Variants in MTAP observed in about 807,000 individuals in gnomAD.
The protein encoded by MTAP is S-methyl-5'-thioadenosine phosphorylase.
In MTAP, 33 loss-of-function variants were observed where a neutral mutation model predicts 33.6. That is an observed-to-expected ratio of 0.98 (90% CI 0.74 to 1.31). MTAP has a LOEUF of 1.31. MTAP is among the 40% of genes most tolerant of loss of function. The pLI, the probability that MTAP is intolerant of heterozygous loss-of-function variation, is 0.00. For synonymous variants in MTAP, 148 were observed against 125.7 expected (o/e 1.18, Z -1.19); for missense variants, 367 against 360.0 (o/e 1.02, Z -0.16).
chr9:21,867,256 T>C (rs946833992), downstream of MTAP, among the ~76,000 whole-genome samples: 2 of 152,202 alleles, frequency 1.3e-5, no homozygotes, highest in Non-Finnish European at 2.9e-5. Context: ...TCTTGTCTTA[T>C]TCTCAACAGC....
At chr9:21,910,047 G>T (rs1818545147) in intron 1 of MTAP, among the ~76,000 whole-genome samples, 1 of 152,046 alleles carries the variant, frequency 6.6e-6, no homozygotes, top group African/African-American at 2.4e-5. Flanking sequence ...TCAGAAAAGG[G>T]ACAAAATGTC....
chr9:21,919,207 C>T (rs1462370421), intron 1 of MTAP, among the ~76,000 whole-genome samples: 1 of 152,106 alleles, frequency 6.6e-6, no homozygotes, highest in African/African-American at 2.4e-5. Flanking sequence ...AAATTTTTAT[C>T]AGGGAAGATT....
chr9:21,926,354 A>G (rs1818869260), intron 1 of MTAP, among the ~76,000 whole-genome samples: 1 of 142,074 alleles, frequency 7.0e-6, no homozygotes, highest in African/African-American at 3.2e-5. Context: ...AGAGCAATGG[A>G]GCAATGGACA....
chr9:21,803,030 A>ACACACACACACACACC, intron 1 of MTAP: 1 of 1,006,528 alleles, frequency 9.9e-7, no homozygotes, highest in Non-Finnish European at 1.3e-6. Context: ...ACACACACAC[A>ACACACACACACACACC]CACACACCAC....
At chr9:21,821,274 C>T (rs2118104331) in intron 4 of MTAP, among the ~76,000 whole-genome samples, 1 of 152,246 alleles carries the variant, frequency 6.6e-6, no homozygotes, top group East Asian at 1.9e-4. Context: ...TCATAAATAG[C>T]TCTTATTATT....
chr9:21,936,112 T>C (rs1006878702), downstream of MTAP: 1 of 152,256 alleles, frequency 6.6e-6, no homozygotes, highest in African/African-American at 2.4e-5. Flanking sequence ...GATCAATGTA[T>C]AGGAGATCTC....
intron 1 of MTAP, among the ~76,000 whole-genome samples, chr9:21,903,629 C>T (rs1428213554): frequency 3.9e-5 from 6 of 152,134 alleles, no homozygotes. Context: ...TTCAGCTTCT[C>T]ACATTGCTGC....
chr9:21,808,894 A>T (rs1195836287), intron 1 of MTAP: 3 of 152,284 alleles, frequency 2.0e-5, no homozygotes, highest in Non-Finnish European at 2.9e-5. Context: ...AGGGAAGACC[A>T]TGTGAAGACA....
intron 5 of MTAP, among the ~76,000 whole-genome samples, chr9:21,853,738 C>T (rs932945661): frequency 6.6e-6 from 1 of 152,134 alleles, no homozygotes; most frequent in Non-Finnish European, 1.5e-5. Flanking sequence ...TTGTATATAC[C>T]TTAGTTCATT....
At position 21,915,084 on chromosome 9, in the gene MTAP, C is replaced by CTTTCTTTCTTT. The variant is rs369342496; in HGVS notation, c.148-15924_148-15923insTTTCTTTCTTT. ...TCTTTCTTTCTTTCTTTCTTTCTTT[C>CTTTCTTTCTTT]CTTTCTTTCTTTTCTTTCGGCAGAG... On this transcript the variant is annotated intron_variant, in intron 1 of 1. Coordinates refer to the MTAP transcript ENST00000577563. Among the ~76,000 whole-genome samples the CTTTCTTTCTTT allele has an allele frequency of 4.4e-4, 32 of 72,410 alleles. 3 individuals carry two copies. The highest frequency in any genetic ancestry group is 3.3e-3 in the African/African-American group (31 of 9,508). 47.5% of individuals were successfully genotyped at this position (72,410 alleles called of 152,430 possible).
Position 21,859,432 on chromosome 9 carries a change from G to A in MTAP, c.813+7G>A. On this transcript the variant is annotated splice_region_variant and intron_variant, in intron 7 of 7. Transcript: ENST00000644715. ...AACCCTCCATAACCTGAAGGTAAGT[G>A]TCAGCCATGGACAATCAGGCATGTC... The A allele has an allele frequency of 6.2e-7, 1 of 1,606,676 alleles. No homozygotes were observed. Among genetic ancestry groups the A allele is most frequent in the Non-Finnish European group, 8.5e-7 (1 of 1,177,710 alleles).
intron 4 of MTAP, among the ~76,000 whole-genome samples, chr9:21,831,595 T>C (rs572491722): frequency 2.2e-4 from 34 of 152,256 alleles, no homozygotes; most frequent in African/African-American, 7.5e-4. Flanking sequence ...CCCAAAGTGC[T>C]GGGATTATAG....
rs182505150 is a variant in MTAP, at chr9:21,863,195, A to G, written c.*1181A>G. 1,919 of 965,190 alleles carry G rather than the reference A, an allele frequency of 2.0e-3. 19 individuals carry two copies. The African/African-American group carries it at 0.031, about 16-fold the overall frequency. 59.8% of individuals were successfully genotyped at this position (965,190 alleles called of 1,614,324 possible). ...TTTTATGGTATCTGATATTTTAAAA[A>G]GTAATGTTTGATTCTCCTTTTTATG... On this transcript the variant is annotated 3_prime_UTR_variant, in exon 8 of 8. Transcript: ENST00000644715.
intron 4 of MTAP, among the ~76,000 whole-genome samples, chr9:21,833,696 T>C (rs1001515352): frequency 6.6e-6 from 1 of 152,224 alleles, no homozygotes; most frequent in African/African-American, 2.4e-5. Flanking sequence ...TGGGGCTTGT[T>C]GTGGATACAG....
rs1484582004 is a variant in MTAP, at chr9:21,896,801, G to T, written c.148-34207G>T. Among the ~76,000 whole-genome samples the T allele has an allele frequency of 2.0e-5, 3 of 152,176 alleles. No homozygotes were observed. The East Asian group carries it at 5.8e-4, about 29-fold the overall frequency. ...GATTCACAGCCGAATTCTACCAGAA[G>T]TACAAAGAGGAGCTGGTACCATTCC... On this transcript the variant is annotated intron_variant, in intron 1 of 1. Transcript: ENST00000577563.
In MTAP at chr9:21,863,281, T is replaced by C; in HGVS notation, c.*1267T>C. On this transcript the variant is annotated 3_prime_UTR_variant, in exon 8 of 8. Transcript: ENST00000644715. ...TTTTTAATAAAGTGGAAGCTTGCTTTTTTAACTCTTTTTTTATTGTTATTT... is the reference window on the plus strand; with the variant it reads ...TTTTTAATAAAGTGGAAGCTTGCTTCTTTAACTCTTTTTTTATTGTTATTT... 2 of 984,432 alleles carry C rather than the reference T, an allele frequency of 2.0e-6. No homozygotes were observed. Among genetic ancestry groups the C allele is most frequent in the Non-Finnish European group, 2.4e-6 (2 of 829,010 alleles). 61.0% of individuals were successfully genotyped at this position (984,432 alleles called of 1,614,324 possible).
chr9:21,933,188 GC>G (rs1028061737), downstream of MTAP: 23 of 152,160 alleles, frequency 1.5e-4, no homozygotes, highest in Admixed American at 6.6e-5. Flanking sequence ...CAGTAATCTA[GC>G]TTTTTTCTTT....
At chr9:21,805,066 G>A (rs1824174967) in intron 1 of MTAP, among the ~76,000 whole-genome samples, 1 of 152,242 alleles carries the variant, frequency 6.6e-6, no homozygotes, top group South Asian at 2.1e-4. Context: ...GCACATGTGT[G>A]TCTGAACCCC....
downstream of MTAP, chr9:21,933,897 A>C (rs1291754959): frequency 6.6e-6 from 1 of 152,236 alleles, no homozygotes; most frequent in Non-Finnish European, 1.5e-5. Context: ...GCACTTATAC[A>C]AATTAAGTAT....
Sources: allele counts gnomAD v4.1 joint callset (sites outside exome capture counted in the v4.1 genomes callset), GRCh38; gene constraint gnomAD v4.1.1; transcripts MANE v1.5; gene names NCBI Gene and HGNC (gene_info 2026-07-23, HGNC 2026-07-21).